The following PIP5K1B variants were observed in gnomAD, a reference collection of about 807,000 sequenced individuals.
The protein encoded by PIP5K1B is phosphatidylinositol 4-phosphate 5-kinase type-1 beta.
PIP5K1B carries 42 observed loss-of-function variants against 67.0 expected under a neutral mutation model. The ratio of observed to expected loss-of-function variants is 0.63; its 90% confidence interval spans 0.49 to 0.81. PIP5K1B has a LOEUF of 0.81. Ranked by LOEUF, PIP5K1B falls within the 30% of genes least tolerant of loss-of-function variation. The pLI is 0.00. For missense variants in PIP5K1B, 459 were observed against 646.3 expected, an observed-to-expected ratio of 0.71 and a Z score of 3.14; for synonymous variants, 214 against 231.4, an observed-to-expected ratio of 0.92 and a Z score of 0.68.
At chr9:68,883,289 C>T (rs534744335) in intron 6 of PIP5K1B, among the ~76,000 whole-genome samples, 18 of 152,304 alleles carry the variant, frequency 1.2e-4, no homozygotes, top group Non-Finnish European at 2.5e-4. Flanking sequence ...TGATTCCTCT[C>T]GGTTTTTATG....
At chr9:68,964,097 G>A (rs1200777850) in intron 14 of PIP5K1B, 1 of 152,154 alleles carries the variant, frequency 6.6e-6, no homozygotes, top group African/African-American at 2.4e-5. Flanking sequence ...CTTCCCCAGT[G>A]GCAGTCTTTA....
At chr9:68,725,588 G>A (rs1350448511) in intron 1 of PIP5K1B, among the ~76,000 whole-genome samples, 1 of 152,178 alleles carries the variant, frequency 6.6e-6, no homozygotes, top group African/African-American at 2.4e-5. Flanking sequence ...CCATCACTAA[G>A]GCCAAAGATA....
chr9:68,948,162 A>G (rs926674622), intron 14 of PIP5K1B, among the ~76,000 whole-genome samples: 1 of 152,244 alleles, frequency 6.6e-6, no homozygotes, highest in African/African-American at 2.4e-5. Context: ...AAGTGTCAAG[A>G]AATGAAGTCA....
chr9:68,943,729 C>A (rs1827670930), intron 14 of PIP5K1B, among the ~76,000 whole-genome samples: 1 of 151,962 alleles, frequency 6.6e-6, no homozygotes, highest in Non-Finnish European at 1.5e-5. Flanking sequence ...AGATTTTTCT[C>A]TTTATGAATC....
At chr9:68,863,393 G>A (rs1248968272) in intron 4 of PIP5K1B, among the ~76,000 whole-genome samples, 3 of 152,102 alleles carry the variant, frequency 2.0e-5, no homozygotes, top group South Asian at 2.1e-4. Flanking sequence ...AACTATATAT[G>A]TGTATACTCA....
At chr9:68,919,253 G>T (rs1000666900) in intron 9 of PIP5K1B, among the ~76,000 whole-genome samples, 6 of 151,832 alleles carry the variant, frequency 4.0e-5, no homozygotes, top group Admixed American at 6.6e-5. Context: ...ATTCTCCTTT[G>T]TAGGGAAGTA....
At chr9:68,889,747 A>C (rs1824679913) in intron 7 of PIP5K1B, among the ~76,000 whole-genome samples, 1 of 151,988 alleles carries the variant, frequency 6.6e-6, no homozygotes, top group Non-Finnish European at 1.5e-5. Context: ...AAAAAAAAAA[A>C]AAAAAAAGCT....
chr9:68,861,277 G>T (rs1823053640), intron 4 of PIP5K1B, among the ~76,000 whole-genome samples: 1 of 81,890 alleles, frequency 1.2e-5, no homozygotes. Context: ...CCTTACACCA[G>T]AGGAGAAAGA....
chr9:68,749,483 A>G (rs957705949), intron 2 of PIP5K1B, among the ~76,000 whole-genome samples: 2 of 152,172 alleles, frequency 1.3e-5, no homozygotes, highest in African/African-American at 4.8e-5. Context: ...CAGAACTGGG[A>G]GAGAATAAAT....
intron 4 of PIP5K1B, among the ~76,000 whole-genome samples, chr9:68,834,406 C>T (rs1834486073): frequency 6.6e-6 from 1 of 152,204 alleles, no homozygotes; most frequent in African/African-American, 2.4e-5. Flanking sequence ...CCTCCCTCAG[C>T]ACCCTGCACT....
intron 1 of PIP5K1B, among the ~76,000 whole-genome samples, chr9:68,710,735 C>A (rs1827349145): frequency 6.6e-6 from 1 of 152,174 alleles, no homozygotes; most frequent in Non-Finnish European, 1.5e-5. Context: ...CAAACTAGCA[C>A]TGGAATAAAC....
chr9:68,869,284 G>A (rs1823510076), intron 5 of PIP5K1B, among the ~76,000 whole-genome samples: 1 of 152,178 alleles, frequency 6.6e-6, no homozygotes, highest in Non-Finnish European at 1.5e-5. Flanking sequence ...GATTCTCATA[G>A]GAGCACAAAC....
At chr9:68,925,024 A>G (rs1302936016) in intron 12 of PIP5K1B, among the ~76,000 whole-genome samples, 3 of 152,174 alleles carry the variant, frequency 2.0e-5, no homozygotes, top group Non-Finnish European at 1.5e-5. Flanking sequence ...ACATTATAAC[A>G]TGAATAGTTT....
intron 2 of PIP5K1B, among the ~76,000 whole-genome samples, chr9:68,802,133 A>T (rs1832633075): frequency 6.6e-6 from 1 of 152,256 alleles, no homozygotes; most frequent in African/African-American, 2.4e-5. Context: ...CTGAAACTTT[A>T]TGGAATGAAC....
chr9:68,826,918 A>AT (rs1351115248), intron 4 of PIP5K1B, among the ~76,000 whole-genome samples: 3 of 104,828 alleles, frequency 2.9e-5, no homozygotes, highest in Admixed American at 1.1e-4. Context: ...CGCCTGGCTA[A>AT]TTTTTTGTAT....
intron 6 of PIP5K1B, among the ~76,000 whole-genome samples, chr9:68,877,399 G>C (rs1206544481): frequency 6.6e-6 from 1 of 152,182 alleles, no homozygotes; most frequent in Non-Finnish European, 1.5e-5. Context: ...TGACCTCAGA[G>C]TTTTACCTCA....
intron 14 of PIP5K1B, among the ~76,000 whole-genome samples, chr9:68,945,566 C>T (rs1316433651): frequency 6.6e-6 from 1 of 152,226 alleles, no homozygotes; most frequent in Admixed American, 6.5e-5. Flanking sequence ...CTACTTCAAA[C>T]CACCAATAAT....
At chr9:68,942,008 TGCTCTAAGG>T in intron 14 of PIP5K1B, among the ~76,000 whole-genome samples, 1 of 152,336 alleles carries the variant, frequency 6.6e-6, no homozygotes, top group South Asian at 2.1e-4. Context: ...TGCACTGTTC[TGCTCTAAGG>T]GCCAACAAAT....
chr9:68,990,083 A>G (rs990280247), intron 14 of PIP5K1B, among the ~76,000 whole-genome samples: 20 of 152,308 alleles, frequency 1.3e-4, no homozygotes, highest in African/African-American at 4.1e-4. Flanking sequence ...TGACTCTCCA[A>G]TATACTGTCT....
Sources: gnomAD v4.1 joint callset for allele counts (sites outside exome capture counted in the v4.1 genomes callset) on GRCh38, gnomAD v4.1.1 for gene constraint, MANE v1.5 for transcripts, NCBI Gene and HGNC (gene_info 2026-07-23, HGNC 2026-07-21) for gene names.